Variants in ARMH3 observed in about 807,000 individuals in gnomAD.
ARMH3 encodes the protein armadillo-like helical domain-containing protein 3.
A neutral mutation model predicts 99.1 loss-of-function variants in ARMH3; 60 were observed. The observed-to-expected ratio is 0.61, with a 90% CI of 0.49 to 0.75. The LOEUF (loss-of-function observed/expected upper bound fraction) is 0.75. Ranked by LOEUF, ARMH3 falls within the 30% of genes least tolerant of loss-of-function variation. The pLI, the probability that ARMH3 is intolerant of heterozygous loss-of-function variation, is 0.00. For missense variants in ARMH3, 679 were observed against 843.1 expected, an observed-to-expected ratio of 0.81 and a Z score of 2.41; for synonymous variants, 285 against 292.8, an observed-to-expected ratio of 0.97 and a Z score of 0.27.
chr10:101,929,262 T>C (rs1356387544), intron 23 of ARMH3, among the ~76,000 whole-genome samples: 3 of 152,222 alleles, frequency 2.0e-5, no homozygotes, highest in Non-Finnish European at 4.4e-5. Context: ...CAATGAGCAC[T>C]GAATGCTCAC....
At chr10:101,961,672 G>T (rs1339923502) in intron 20 of ARMH3, among the ~76,000 whole-genome samples, 1 of 152,054 alleles carries the variant, frequency 6.6e-6, no homozygotes, top group Non-Finnish European at 1.5e-5. Context: ...ACAGGCTCCT[G>T]ACTCACCCCC....
At chr10:101,963,864 T>A (rs916892310) in intron 20 of ARMH3, among the ~76,000 whole-genome samples, 1 of 151,244 alleles carries the variant, frequency 6.6e-6, no homozygotes, top group African/African-American at 2.4e-5. Context: ...AAAGTAGGGG[T>A]TCTCTTTTTC....
chr10:101,911,400 T>C (rs1367075395), intron 23 of ARMH3, among the ~76,000 whole-genome samples: 1 of 152,160 alleles, frequency 6.6e-6, no homozygotes, highest in African/African-American at 2.4e-5. Flanking sequence ...CGACATCTTG[T>C]GCCAGAAAGC....
rs775124668 is a variant in ARMH3 at position 101,957,621 on chromosome 10, G to C, written c.1578+29C>G. On this transcript the variant is annotated intron_variant, in intron 21 of 25. Transcript: ENST00000370033. ...ATTTCTGCCTTAGCATATGGCTTCAGAAAAAGAAGTATTTGTTTTGATACT... is the reference window on the plus strand; with the variant it reads ...ATTTCTGCCTTAGCATATGGCTTCACAAAAAGAAGTATTTGTTTTGATACT... 3 of 1,581,180 alleles carry C rather than the reference G, an allele frequency of 1.9e-6. No individual in the cohort carries two copies. In the Admixed American group the frequency reaches 5.5e-5, roughly 29 times the overall value.
At chr10:101,855,662 C>G in intron 24 of ARMH3, among the ~76,000 whole-genome samples, 1 of 149,640 alleles carries the variant, frequency 6.7e-6, no homozygotes, top group Admixed American at 6.7e-5. Context: ...TCTTCCACCT[C>G]AGCCTCCCAA....
chr10:101,983,169 C>T (rs888045823), intron 19 of ARMH3, among the ~76,000 whole-genome samples: 2 of 152,174 alleles, frequency 1.3e-5, no homozygotes, highest in Non-Finnish European at 2.9e-5. Flanking sequence ...GGTTGGTCAC[C>T]AGGGAGACCA....
rs1167369977 is a variant in ARMH3 at position 102,033,079 on chromosome 10, A to C, written c.253T>G (p.Cys85Gly). The change falls in exon 4 of 26, where the codon TGC (cysteine) becomes GGC (glycine). Residue 85 changes from cysteine (C) to glycine (G), a missense_variant. Cys to Gly is a radical substitution (Grantham distance 159). Around this residue, in one of 3 missense-constraint regions of ARMH3, gnomAD observed 280 missense variants for 354.6 expected, o/e 0.79. Coordinates refer to ENST00000370033, the MANE Select transcript of ARMH3 (RefSeq NM_024541.3). The part of the protein sequence containing the change: ...KDNINCLFQH[C>G]IQALGEEHPI... Reference sequence around the variant, plus strand: ...TGCTCCTCTCCCAGAGCCTGGATGCAGTGTTGGAATAAGCAATTAATATTG... The same window carrying C: ...TGCTCCTCTCCCAGAGCCTGGATGCCGTGTTGGAATAAGCAATTAATATTG... 6.2e-7 allele frequency: 1 copy of C among 1,614,218 alleles called. No individual in the cohort carries two copies. The highest frequency in any genetic ancestry group is 2.2e-5 in the East Asian group (1 of 44,882).
Position 102,031,979 on chromosome 10 carries a change from C to T in ARMH3, c.306+1047G>A, listed in dbSNP as rs141665676. ...GGTCTCGATCTCCTGATCTCGTGATCCTCCCGCCTTGGCCTCCCAAAGTGC... is the reference window on the plus strand; with the variant it reads ...GGTCTCGATCTCCTGATCTCGTGATTCTCCCGCCTTGGCCTCCCAAAGTGC... On this transcript the variant is annotated intron_variant, in intron 4 of 25. Coordinates refer to ENST00000370033, the MANE Select transcript of ARMH3 (RefSeq NM_024541.3). 1.3e-3 allele frequency among the ~76,000 whole-genome samples: 200 copies of T among 152,294 alleles called. 1 individual carries two copies. The highest frequency in any genetic ancestry group is 4.7e-3 in the African/African-American group (195 of 41,568).
At chr10:101,870,382 G>A (rs2067105417) in intron 24 of ARMH3, among the ~76,000 whole-genome samples, 1 of 152,118 alleles carries the variant, frequency 6.6e-6, no homozygotes, top group South Asian at 2.1e-4. Flanking sequence ...GTTTTCCACA[G>A]AAGTATACTG....
Position 101,847,581 on chromosome 10 carries a change from A to T in ARMH3, c.2017T>A (p.Phe673Ile). ...AGGACTTCTTGGCTGAGTGTGTGGA[A>T]GGCCAGGTTTCTCCGGACGTTGGTG... ...ISTNVRRNLAFHTLSQEVLLK... is the reference protein window; with the variant it reads ...ISTNVRRNLAIHTLSQEVLLK... Residue 673 changes from phenylalanine to isoleucine, a missense_variant, in exon 26 of 26, where the codon TTC (phenylalanine) becomes ATC (isoleucine). Coordinates refer to ENST00000370033, the MANE Select transcript of ARMH3 (RefSeq NM_024541.3). 1 of 1,614,190 alleles carries T rather than the reference A, an allele frequency of 6.2e-7. No individual in the cohort carries two copies. The highest frequency in any genetic ancestry group is 8.5e-7 in the Non-Finnish European group (1 of 1,180,018).
chr10:101,957,915 C>G (rs1845113231), intron 20 of ARMH3, among the ~76,000 whole-genome samples, 183 bp from the exon 21 acceptor site: 1 of 152,180 alleles, frequency 6.6e-6, no homozygotes, highest in Non-Finnish European at 1.5e-5. Context: ...TTCCCAAGCA[C>G]GTGTCTGCTT....
Position 101,975,326 on chromosome 10 carries a change from G to A in ARMH3, c.1407-26C>T, listed in dbSNP as rs1197425525. 2.5e-6 allele frequency: 4 copies of A among 1,585,152 alleles called. No individual in the cohort carries two copies. The South Asian group carries it at 4.4e-5, about 18-fold the overall frequency. ...CTGTAACAGGGAAAGCAAAAAATGAGGGTAAGCCTGAGAATATAGTGCAAC... is the reference window on the plus strand; with the variant it reads ...CTGTAACAGGGAAAGCAAAAAATGAAGGTAAGCCTGAGAATATAGTGCAAC... On this transcript the variant is annotated intron_variant, in intron 19 of 25. Coordinates refer to ENST00000370033, the MANE Select transcript of ARMH3 (RefSeq NM_024541.3).
intron 24 of ARMH3, among the ~76,000 whole-genome samples, chr10:101,868,230 C>A (rs1025281010): frequency 1.3e-5 from 2 of 152,046 alleles, no homozygotes; most frequent in Non-Finnish European, 2.9e-5. Flanking sequence ...CAGTGCCAGA[C>A]AATAGGAAGA....
intron 23 of ARMH3, 53 bp downstream of exon 23, chr10:101,939,810 T>G (rs1844156994): frequency 1.3e-6 from 2 of 1,491,862 alleles, no homozygotes; most frequent in South Asian, 2.3e-5. Context: ...AAAGGTACAA[T>G]AAACCTCAGG....
intron 9 of ARMH3, 116 bp from the exon 10 acceptor site, chr10:102,012,992 T>C (rs1349951565): frequency 7.2e-6 from 6 of 839,084 alleles, no homozygotes; most frequent in Non-Finnish European, 1.1e-5. Flanking sequence ...TGCCTGAAAG[T>C]TGGCGACAAG....
At chr10:102,019,531 G>A (rs2066827998) in intron 8 of ARMH3, among the ~76,000 whole-genome samples, 1 of 152,158 alleles carries the variant, frequency 6.6e-6, no homozygotes, top group Non-Finnish European at 1.5e-5. Flanking sequence ...AAATGCGGAG[G>A]TGAAAGACAG....
intron 19 of ARMH3, among the ~76,000 whole-genome samples, chr10:101,976,405 C>CTA: frequency 1.6e-5 from 2 of 128,976 alleles, no homozygotes; most frequent in South Asian, 5.0e-4. Flanking sequence ...CTCTCTCTCT[C>CTA]TCTCTCTCAC....
chr10:101,872,215 T>C (rs530275204), intron 24 of ARMH3, among the ~76,000 whole-genome samples: 5 of 151,682 alleles, frequency 3.3e-5, no homozygotes, highest in African/African-American at 1.2e-4. Flanking sequence ...GGAGAAAATA[T>C]TTAGAGAGTG....
chr10:101,956,662 C>A lies in ARMH3; in HGVS notation c.1640G>T (p.Ser547Ile). 6.2e-7 allele frequency: 1 copy of A among 1,613,772 alleles called. No individual in the cohort carries two copies. The highest frequency in any genetic ancestry group is 8.5e-7 in the Non-Finnish European group (1 of 1,179,732). The change falls in exon 22 of 26, where the codon AGC becomes ATC. Residue 547 changes from serine (S) to isoleucine (I), a missense_variant. This residue lies in a region of ARMH3 where 389 missense variants were observed against 456.5 expected (regional missense o/e 0.85). Transcript: ENST00000370033. ...YGDTFLPTPSSYDELYYEIIR... is the reference protein window; with the variant it reads ...YGDTFLPTPSIYDELYYEIIR... ...AATCTCATAGTAAAGTTCATCATAG[C>A]TGCTGGGGGTTGGCAGAAATGTGTC...
Sources: gnomAD v4.1 joint callset for allele counts (sites outside exome capture counted in the v4.1 genomes callset) on GRCh38, gnomAD v4.1.1 for gene constraint, gnomAD v4.1.1 regional missense constraint, MANE v1.5 for transcripts, NCBI Gene and HGNC (gene_info 2026-07-23, HGNC 2026-07-21) for gene names.